The following LPO variants were observed in gnomAD, a reference collection of about 807,000 sequenced individuals.
LPO encodes lactoperoxidase, also known as salivary peroxidase.
Under a neutral mutation model 68.4 loss-of-function variants are expected in LPO, and 70 were observed. The ratio of observed to expected loss-of-function variants is 1.02; its 90% CI spans 0.84 to 1.25. The LOEUF (loss-of-function observed/expected upper bound fraction) is 1.25, where lower values mean the gene tolerates loss of function less well. LPO is among the 50% of genes most tolerant of loss of function. The probability of loss-of-function intolerance (pLI) is 0.00; values close to 1 mark genes in which losing one functional copy is unlikely to be tolerated. For synonymous variants in LPO, 360 were observed against 357.6 expected (o/e 1.01, Z -0.08); for missense variants, 873 against 908.4 (o/e 0.96, Z 0.50).
chr17:58,259,857 C>T (rs1970142757), intron 9 of LPO, among the ~76,000 whole-genome samples: 1 of 152,216 alleles, frequency 6.6e-6, no homozygotes, highest in South Asian at 2.1e-4. Context: ...GAGTCTTGCT[C>T]TGTCACCAGG....
rs768711828 is a variant in LPO at position 58,242,967 on chromosome 17, T to C, written c.-2-11T>C. ...GAGAGGCTCACAGTGTGATCCTGCA[T>C]CTCGTTTCAGTGATGAGGGTCCTTC... On this transcript the variant is annotated splice_polypyrimidine_tract_variant and intron_variant, in intron 1 of 12. Coordinates refer to ENST00000262290, the MANE Select transcript of LPO (RefSeq NM_006151.3). 10 of 1,613,486 alleles carry C rather than the reference T, an allele frequency of 6.2e-6. No homozygotes were observed. The Admixed American group carries it at 1.0e-4, about 16-fold the overall frequency.
chr17:58,257,979 G>T (rs1027284958), intron 9 of LPO, among the ~76,000 whole-genome samples: 12 of 152,018 alleles, frequency 7.9e-5, no homozygotes, highest in Non-Finnish European at 1.8e-4. Flanking sequence ...CTTTTGATTG[G>T]ATTATTAGAT....
chr17:58,257,242 ATTTT>A (rs1301264737), intron 9 of LPO, among the ~76,000 whole-genome samples: 1 of 151,874 alleles, frequency 6.6e-6, no homozygotes, highest in African/African-American at 2.4e-5. Flanking sequence ...CCATCATTCT[ATTTT>A]TTGGTACCCA....
intron 4 of LPO, 136 bp from the exon 5 acceptor site, chr17:58,248,924 C>A: frequency 1.4e-6 from 1 of 730,748 alleles, no homozygotes. Context: ...ATTGAGAAAC[C>A]ACTTGAGAAA....
intron 9 of LPO, among the ~76,000 whole-genome samples, chr17:58,261,586 C>T (rs1970176796): frequency 6.6e-6 from 1 of 151,334 alleles, no homozygotes; most frequent in African/African-American, 2.4e-5. Flanking sequence ...AATCTCTGAC[C>T]TTTAGTAATT....
intron 4 of LPO, 80 bp from the exon 5 acceptor site, chr17:58,248,980 C>T (rs141340788): frequency 9.5e-5 from 99 of 1,036,676 alleles, no homozygotes; most frequent in Non-Finnish European, 1.4e-4. Flanking sequence ...AGGTTCACCT[C>T]TGGTCTCCAT....
intron 4 of LPO, among the ~76,000 whole-genome samples, chr17:58,248,481 C>T (rs945923812): frequency 3.9e-5 from 6 of 152,000 alleles, no homozygotes; most frequent in Non-Finnish European, 8.8e-5. Flanking sequence ...TGAGGGTATG[C>T]GTTCAGAAGT....
chr17:58,250,414 G>C lies in LPO; in HGVS notation c.574-1G>C. 1 of 1,613,784 alleles carries C rather than the reference G, an allele frequency of 6.2e-7. No homozygotes were observed. The highest frequency in any genetic ancestry group is 1.1e-5 in the South Asian group (1 of 91,070). ...CCCTCCCCTTCTCTCTCCATCTGTAGGCCCGGGAGGTATCTAACAAGATTG... is the reference window on the plus strand; with the variant it reads ...CCCTCCCCTTCTCTCTCCATCTGTACGCCCGGGAGGTATCTAACAAGATTG... On this transcript the variant is annotated splice_acceptor_variant, in intron 6 of 12. Coordinates refer to ENST00000262290, the MANE Select transcript of LPO (RefSeq NM_006151.3). LOFTEE classifies it high-confidence loss of function.
intron 6 of LPO, among the ~76,000 whole-genome samples, chr17:58,250,160 C>T (rs1969931819): frequency 6.6e-6 from 1 of 152,168 alleles, no homozygotes; most frequent in Non-Finnish European, 1.5e-5. Context: ...CTTGGCAAAT[C>T]ATCAAGTCAT....
In LPO at chr17:58,247,722, C is replaced by G. The variant is rs900186812; in HGVS notation, c.325+84C>G. On this transcript the variant is annotated intron_variant, in intron 4 of 12. Transcript: ENST00000262290. ...GCAGAGGCCACCCAAAGCTGCACTT[C>G]CTGTTGAGAGCTATCTACTCAGAGG... 5 of 1,453,922 alleles carry G rather than the reference C, an allele frequency of 3.4e-6. No homozygotes were observed. In the African/African-American group the frequency reaches 7.0e-5, roughly 20 times the overall value. 90.1% of individuals were successfully genotyped at this position (1,453,922 alleles called of 1,614,324 possible).
intron 1 of LPO, among the ~76,000 whole-genome samples, chr17:58,242,695 T>A (rs1969779129): frequency 2.0e-5 from 3 of 152,172 alleles, no homozygotes. Flanking sequence ...CTGCCCAAGG[T>A]CACAGAGCTA....
rs1317064402 is a variant in LPO, at chr17:58,266,311, G to C, written c.1678G>C (p.Asp560His). 1 of 1,614,030 alleles carries C rather than the reference G, an allele frequency of 6.2e-7. No individual in the cohort carries two copies. The highest frequency in any genetic ancestry group is 1.7e-5 in the Admixed American group (1 of 60,014). ...LAAINTQRCR[D>H]HGQPGYNSWR... ...TGCCATCAACACACAGCGTTGCCGG[G>C]ACCATGGGCAACCTGGTGAGTGTCT... The change falls in exon 11 of 13, where the codon GAC becomes CAC. Residue 560 changes from aspartate (D) to histidine (H), a missense_variant. Coordinates refer to ENST00000262290, the MANE Select transcript of LPO (RefSeq NM_006151.3).
At chr17:58,245,204 C>T (rs1436451113) in intron 3 of LPO, among the ~76,000 whole-genome samples, 3 of 152,148 alleles carry the variant, frequency 2.0e-5, no homozygotes, top group Non-Finnish European at 4.4e-5. Flanking sequence ...TGCTTGAGGC[C>T]TCTGGCGGGA....
chr17:58,261,941 G>C (rs1275413942), intron 9 of LPO, among the ~76,000 whole-genome samples: 1 of 152,038 alleles, frequency 6.6e-6, no homozygotes, highest in East Asian at 1.9e-4. Context: ...ATTTCCATTT[G>C]GTCCCTTCAC....
chr17:58,254,709 G>GT, intron 8 of LPO, 102 bp from the exon 9 acceptor site: 9 of 1,142,950 alleles, frequency 7.9e-6, no homozygotes, highest in Non-Finnish European at 1.1e-5. Context: ...GGGGCGGGGG[G>GT]GGCGGGGCGC....
intron 6 of LPO, among the ~76,000 whole-genome samples, chr17:58,249,954 G>T (rs1969927888): frequency 6.6e-6 from 1 of 152,204 alleles, no homozygotes; most frequent in South Asian, 2.1e-4. Flanking sequence ...GCCCCATCCC[G>T]CTCGCACTTA....
At chr17:58,245,930 G>T (rs1273730269) in intron 3 of LPO, among the ~76,000 whole-genome samples, 1 of 152,206 alleles carries the variant, frequency 6.6e-6, no homozygotes, top group Admixed American at 6.5e-5. Flanking sequence ...ATGTGGAGGA[G>T]CCCTTCCCTG....
intron 8 of LPO, among the ~76,000 whole-genome samples, chr17:58,253,114 C>T (rs1969996823): frequency 6.6e-6 from 1 of 151,230 alleles, no homozygotes; most frequent in Admixed American, 6.6e-5. Flanking sequence ...CAATAATCAT[C>T]GTTAACATTT....
At chr17:58,247,414 C>T in intron 3 of LPO, 64 bp from the exon 4 acceptor site, 2 of 1,450,394 alleles carry the variant, frequency 1.4e-6, no homozygotes, top group Non-Finnish European at 1.9e-6. Context: ...TCCCACCCCT[C>T]CAGCGGCCCC....
Sources: allele counts gnomAD v4.1 joint callset (sites outside exome capture counted in the v4.1 genomes callset), GRCh38; gene constraint gnomAD v4.1.1; transcripts MANE v1.5; gene names NCBI Gene and HGNC (gene_info 2026-07-23, HGNC 2026-07-21).